The following SGCZ variants were observed in gnomAD, a reference collection of about 807,000 sequenced individuals.
The protein encoded by SGCZ is sarcoglycan zeta.
A neutral mutation model predicts 41.3 loss-of-function variants in SGCZ; 40 were observed. The ratio of observed to expected loss-of-function variants is 0.97; its 90% confidence interval spans 0.75 to 1.26. SGCZ has a LOEUF of 1.26. Ranked by LOEUF, SGCZ falls within the 50% of genes most tolerant of loss-of-function variation. The pLI, the probability that SGCZ is intolerant of heterozygous loss-of-function variation, is 0.00. For missense variants in SGCZ, 552 were observed against 369.8 expected, an observed-to-expected ratio of 1.49 and a Z score of -4.04; for synonymous variants, 206 against 137.5, an observed-to-expected ratio of 1.50 and a Z score of -3.49.
intron 2 of SGCZ, among the ~76,000 whole-genome samples, chr8:14,414,335 G>C (rs922941714): frequency 6.6e-6 from 1 of 151,816 alleles, no homozygotes; most frequent in African/African-American, 2.4e-5. Flanking sequence ...TGACACTATG[G>C]TCCTCATGCT....
chr8:14,390,667 G>C (rs1034149793), intron 2 of SGCZ, among the ~76,000 whole-genome samples: 1 of 151,726 alleles, frequency 6.6e-6, no homozygotes, highest in Non-Finnish European at 1.5e-5. Flanking sequence ...ATTTTAGGTT[G>C]ACACAAAGTG....
chr8:14,879,953 G>A (rs1264996633), intron 1 of SGCZ: 5 of 151,858 alleles, frequency 3.3e-5, no homozygotes, highest in African/African-American at 9.7e-5. Flanking sequence ...CAATTCTCCT[G>A]TCTCAGCCTC....
chr8:14,419,145 CA>C (rs1295460655), intron 2 of SGCZ, among the ~76,000 whole-genome samples: 2 of 151,644 alleles, frequency 1.3e-5, no homozygotes, highest in East Asian at 3.8e-4. Context: ...AATATATTAC[CA>C]AACTCATAAA....
At chr8:15,079,049 G>C (rs1226787022) in intron 1 of SGCZ, among the ~76,000 whole-genome samples, 1 of 152,010 alleles carries the variant, frequency 6.6e-6, no homozygotes, top group East Asian at 1.9e-4. Flanking sequence ...AATCCTTACA[G>C]AGTCTCCCAG....
At position 14,604,534 on chromosome 8, in the gene SGCZ, T is replaced by C. The variant is rs527997061; in HGVS notation, c.40-49608A>G. Reference sequence around the variant, plus strand: ...TATCAGGTACAATAAACTCTAACAATGTACACTGACTTTTAGAAGGCTTGT... The same window carrying C: ...TATCAGGTACAATAAACTCTAACAACGTACACTGACTTTTAGAAGGCTTGT... On this transcript the variant is annotated intron_variant, in intron 1 of 7. Coordinates refer to ENST00000382080, the MANE Select transcript of SGCZ (RefSeq NM_139167.4). Among the ~76,000 whole-genome samples, 7 of 152,244 alleles carry C rather than the reference T, an allele frequency of 4.6e-5. No homozygotes were observed. In the South Asian group the frequency reaches 1.4e-3, roughly 32 times the overall value.
chr8:14,152,746 G>A (rs182635488), intron 5 of SGCZ, among the ~76,000 whole-genome samples: 37 of 152,240 alleles, frequency 2.4e-4, no homozygotes, highest in African/African-American at 8.9e-4. Flanking sequence ...AGTAGCATTG[G>A]TCATAATAGC....
intron 1 of SGCZ, among the ~76,000 whole-genome samples, chr8:14,974,980 C>G (rs1801417635): frequency 6.6e-6 from 1 of 152,050 alleles, no homozygotes; most frequent in South Asian, 2.1e-4. Flanking sequence ...GGTTATCTCT[C>G]TGCTATGTCT....
chr8:14,673,232 T>A lies in SGCZ; in HGVS notation c.40-118306A>T, dbSNP rs181658800. On this transcript the variant is annotated intron_variant, in intron 1 of 7. Coordinates refer to ENST00000382080, the MANE Select transcript of SGCZ (RefSeq NM_139167.4). ...TGACCTATTAGATGGTTGATATGGT[T>A]TGGCTCTGTATCCCCACCCAAATCT... Among the ~76,000 whole-genome samples, 3 of 152,334 alleles carry A rather than the reference T, an allele frequency of 2.0e-5. No individual in the cohort carries two copies. In the East Asian group the frequency reaches 5.8e-4, roughly 29 times the overall value.
chr8:14,844,722 G>A (rs1803042685), intron 1 of SGCZ, among the ~76,000 whole-genome samples: 1 of 151,986 alleles, frequency 6.6e-6, no homozygotes. Flanking sequence ...CCTTATTTTT[G>A]CTTCTAGAAG....
At chr8:15,022,705 C>T (rs1044098023) in intron 1 of SGCZ, among the ~76,000 whole-genome samples, 2 of 152,084 alleles carry the variant, frequency 1.3e-5, no homozygotes, top group African/African-American at 2.4e-5. Context: ...AGTATGCTAG[C>T]AATGCAATTC....
chr8:14,341,558 G>C (rs1802706275), intron 2 of SGCZ, among the ~76,000 whole-genome samples: 1 of 152,078 alleles, frequency 6.6e-6, no homozygotes. Context: ...TATCTTTCAA[G>C]CCCTTGTTCA....
chr8:14,448,257 C>T (rs1551812), intron 2 of SGCZ, among the ~76,000 whole-genome samples: 74,420 of 151,912 alleles, frequency 0.49, 18,818 homozygotes, highest in African/African-American at 0.6. Flanking sequence ...CCACTGGTAC[C>T]GTCTAAAATG....
At chr8:14,321,533 A>G (rs1380451183) in intron 3 of SGCZ, among the ~76,000 whole-genome samples, 8 of 133,246 alleles carry the variant, frequency 6.0e-5, no homozygotes, top group Non-Finnish European at 1.8e-5. Context: ...AAAGGCCTGT[A>G]CAACCACAAA....
intron 2 of SGCZ, among the ~76,000 whole-genome samples, chr8:14,361,216 T>C (rs1231110294): frequency 1.3e-5 from 2 of 152,186 alleles, no homozygotes; most frequent in African/African-American, 4.8e-5. Flanking sequence ...TTGAGAAAAT[T>C]TGAGTGTGGG....
intron 2 of SGCZ, among the ~76,000 whole-genome samples, chr8:14,388,547 C>T (rs893364544): frequency 1.3e-5 from 2 of 151,846 alleles, no homozygotes; most frequent in South Asian, 2.1e-4. Context: ...GTCTCAGCAA[C>T]GAATGAGTAA....
intron 1 of SGCZ, among the ~76,000 whole-genome samples, chr8:15,236,172 C>T (rs1364966907): frequency 6.6e-6 from 1 of 152,184 alleles, no homozygotes. Flanking sequence ...TCACTGTCCT[C>T]CCTCCGTCCT....
intron 1 of SGCZ, among the ~76,000 whole-genome samples, chr8:14,612,388 C>A (rs1408198265): frequency 6.6e-6 from 1 of 152,200 alleles, no homozygotes; most frequent in Non-Finnish European, 1.5e-5. Context: ...GCTTCCCCTT[C>A]ACCTTCTGCC....
chr8:14,964,167 A>G (rs1239631686), intron 1 of SGCZ, among the ~76,000 whole-genome samples: 2 of 152,182 alleles, frequency 1.3e-5, no homozygotes, highest in East Asian at 3.9e-4. Context: ...TTTTGTCACT[A>G]CTGTTATTGC....
chr8:14,549,004 G>T (rs771057887), intron 2 of SGCZ, among the ~76,000 whole-genome samples: 2 of 152,084 alleles, frequency 1.3e-5, no homozygotes, highest in Non-Finnish European at 1.5e-5. Context: ...TTCTAGAGGG[G>T]TTGTAAAGAA....
Sources: allele counts gnomAD v4.1 joint callset (sites outside exome capture counted in the v4.1 genomes callset), GRCh38; gene constraint gnomAD v4.1.1; transcripts MANE v1.5; gene names NCBI Gene and HGNC (gene_info 2026-07-23, HGNC 2026-07-21).